RASGRP3: variants seen among roughly 807,000 people sequenced by gnomAD.
RASGRP3 encodes the protein ras guanyl-releasing protein 3.
Under a neutral mutation model 82.7 loss-of-function variants are expected in RASGRP3, and 54 were observed. That is an observed-to-expected ratio of 0.65 (90% CI 0.52 to 0.82). The LOEUF is 0.82. Among genes scored for constraint, RASGRP3 ranks in the 40% least tolerant of loss-of-function variants. The pLI is 0.00. For synonymous variants in RASGRP3, 309 were observed against 300.5 expected, an observed-to-expected ratio of 1.03 and a Z score of -0.29; for missense variants, 861 against 828.9, an observed-to-expected ratio of 1.04 and a Z score of -0.48.
intron 12 of RASGRP3, chr2:33,539,782 CG>C (rs1422214899): frequency 6.6e-6 from 1 of 151,730 alleles, no homozygotes; most frequent in African/African-American, 2.4e-5. Context: ...GGGCGGATCA[CG>C]AGGTCAGGAG....
chr2:33,486,042 C>A (rs117722891), intron 1 of RASGRP3, among the ~76,000 whole-genome samples: 8 of 152,162 alleles, frequency 5.3e-5, no homozygotes, highest in Non-Finnish European at 1.0e-4. Flanking sequence ...GAAGTACAGT[C>A]TAGTAGAATA....
intron 5 of RASGRP3, among the ~76,000 whole-genome samples, 167 bp downstream of exon 5, chr2:33,520,181 A>G (rs1226075576): frequency 2.0e-5 from 3 of 152,148 alleles, no homozygotes; most frequent in Non-Finnish European, 4.4e-5. Flanking sequence ...GGTGGGGGGA[A>G]CTATCTTTTG....
At chr2:33,536,657 T>C (rs993645680) in intron 11 of RASGRP3, among the ~76,000 whole-genome samples, 1 of 152,340 alleles carries the variant, frequency 6.6e-6, no homozygotes. Flanking sequence ...CCCTTCTAAG[T>C]GCTAAAATCC....
chr2:33,534,346 T>A lies in RASGRP3; in HGVS notation c.1107T>A (p.Thr369=). ...AGCTTTCCCTGGACCTCTATCACACTGAAGATGATATTTACAAACTGTCAC... is the reference window on the plus strand; with the variant it reads ...AGCTTTCCCTGGACCTCTATCACACAGAAGATGATATTTACAAACTGTCAC... ...LLTLSLDLYH[T]EDDIYKLSLV... Residue 369 remains threonine, a synonymous_variant, in exon 11 of 18, where the codon ACT becomes ACA. Coordinates refer to ENST00000403687, the MANE Select transcript of RASGRP3 (RefSeq NM_001139488.2). The A allele has an allele frequency of 6.3e-7, 1 of 1,578,088 alleles. No individual in the cohort carries two copies. Among genetic ancestry groups the A allele is most frequent in the Non-Finnish European group, 8.7e-7 (1 of 1,148,114 alleles).
At chr2:33,449,242 G>A (rs1407069174) in intron 2 of RASGRP3, among the ~76,000 whole-genome samples, 1 of 152,204 alleles carries the variant, frequency 6.6e-6, no homozygotes, top group East Asian at 1.9e-4. Context: ...TTTGGTGAAT[G>A]AATGAAAGTA....
At chr2:33,461,132 T>C in intron 2 of RASGRP3, among the ~76,000 whole-genome samples, 1 of 152,330 alleles carries the variant, frequency 6.6e-6, no homozygotes, top group Non-Finnish European at 1.5e-5. Context: ...TCCAATCCCT[T>C]GCCTCTCAAT....
chr2:33,513,230 T>C (rs1671109453), intron 2 of RASGRP3, among the ~76,000 whole-genome samples: 2 of 152,218 alleles, frequency 1.3e-5, no homozygotes. Context: ...AGCACAAGAA[T>C]CTGGTTCTTT....
intron 17 of RASGRP3, among the ~76,000 whole-genome samples, chr2:33,559,387 C>A (rs1276448650): frequency 6.6e-6 from 1 of 152,082 alleles, no homozygotes; most frequent in East Asian, 1.9e-4. Context: ...AGAACCAGGG[C>A]CCAGACTCAA....
chr2:33,476,455 C>T (rs1667380815), upstream of RASGRP3: 1 of 152,232 alleles, frequency 6.6e-6, no homozygotes, highest in African/African-American at 2.4e-5. Flanking sequence ...TGTGGAATAT[C>T]CCGCTCTGCA....
chr2:33,439,871 C>G (rs373279045), intron 1 of RASGRP3, among the ~76,000 whole-genome samples: 2 of 152,062 alleles, frequency 1.3e-5, no homozygotes, highest in Non-Finnish European at 2.9e-5. Context: ...TAAGATCTGC[C>G]GGTTGGAGGC....
intron 1 of RASGRP3, among the ~76,000 whole-genome samples, chr2:33,446,694 TA>T (rs1226490212): frequency 1.3e-5 from 2 of 151,878 alleles, no homozygotes; most frequent in African/African-American, 4.8e-5. Context: ...CAACAGCCTC[TA>T]GGGTGGGGAA....
At chr2:33,532,191 T>G (rs574028481) in intron 10 of RASGRP3, 1 of 152,370 alleles carries the variant, frequency 6.6e-6, no homozygotes, top group Admixed American at 6.5e-5. Flanking sequence ...CCTAAACTTT[T>G]GTCGTTGTTA....
intron 2 of RASGRP3, among the ~76,000 whole-genome samples, chr2:33,469,461 GA>G (rs1203590975): frequency 2.7e-5 from 4 of 147,474 alleles, no homozygotes; most frequent in African/African-American, 1.0e-4. Flanking sequence ...GTTTGTATGT[GA>G]TTTTTTTTTT....
At chr2:33,553,989 G>A (rs966123949) in intron 14 of RASGRP3, among the ~76,000 whole-genome samples, 14 of 152,174 alleles carry the variant, frequency 9.2e-5, no homozygotes, top group African/African-American at 3.4e-4. Context: ...CGCCCGCCTC[G>A]GCCTCCGAAA....
chr2:33,467,534 G>A (rs189894636), intron 2 of RASGRP3, among the ~76,000 whole-genome samples: 10 of 152,324 alleles, frequency 6.6e-5, no homozygotes, highest in Admixed American at 4.6e-4. Flanking sequence ...TGAGCTGGAG[G>A]AATATGAGAG....
chr2:33,515,190 T>C lies in RASGRP3; in HGVS notation c.54T>C (p.Thr18=), dbSNP rs1474102606. The C allele has an allele frequency of 6.2e-7, 1 of 1,613,870 alleles. No homozygotes were observed. Among genetic ancestry groups the C allele is most frequent in the African/African-American group, 1.3e-5 (1 of 74,926 alleles). Residue 18 remains threonine, a synonymous_variant, in exon 3 of 18, where the codon ACT becomes ACC. Coordinates refer to ENST00000403687, the MANE Select transcript of RASGRP3 (RefSeq NM_001139488.2). ...KAATLDELLC[T]CIEMFDDNGE... is the part of the protein sequence containing the mutation. ...CAACATTAGATGAACTGCTGTGCAC[T>C]TGCATTGAGATGTTTGGTACGAGCC...
chr2:33,529,116 G>A (rs1672852415), intron 10 of RASGRP3, among the ~76,000 whole-genome samples: 1 of 152,168 alleles, frequency 6.6e-6, no homozygotes, highest in African/African-American at 2.4e-5. Context: ...AATGGGGTAG[G>A]GAAATTAATT....
intron 1 of RASGRP3, among the ~76,000 whole-genome samples, chr2:33,440,177 G>A (rs1665149719): frequency 1.3e-5 from 2 of 152,160 alleles, no homozygotes; most frequent in South Asian, 2.1e-4. Flanking sequence ...AATAGTAAGC[G>A]AACAGCTGAG....
Position 33,515,047 on chromosome 2 carries a change from A to T in RASGRP3, c.-90A>T. On this transcript the variant is annotated 5_prime_UTR_variant, in exon 3 of 18. Transcript: ENST00000403687. ...GTACAACTAAGGACAGGTCACCACT[A>T]GGCACTAACATCGCTGACTTGCATG... 1 of 1,181,932 alleles carries T rather than the reference A, an allele frequency of 8.5e-7. No individual in the cohort carries two copies. The highest frequency in any genetic ancestry group is 1.3e-6 in the Non-Finnish European group (1 of 786,508). 73.2% of individuals were successfully genotyped at this position (1,181,932 alleles called of 1,614,324 possible).
Sources: allele counts gnomAD v4.1 joint callset (sites outside exome capture counted in the v4.1 genomes callset), GRCh38; gene constraint gnomAD v4.1.1; transcripts MANE v1.5; gene names NCBI Gene and HGNC (gene_info 2026-07-23, HGNC 2026-07-21).